Variants in DMD observed in about 807,000 individuals in gnomAD.
The protein encoded by DMD is mutant dystrophin.
DMD carries 63 observed loss-of-function variants against 330.1 expected under a neutral mutation model. The observed-to-expected ratio is 0.19, with a 90% CI of 0.16 to 0.24. The LOEUF (loss-of-function observed/expected upper bound fraction) is 0.24, where lower values mean the gene tolerates loss of function less well. Among genes scored for constraint, DMD ranks in the 10% least tolerant of loss-of-function variants. The pLI, the probability that DMD is intolerant of heterozygous loss-of-function variation, is 1.00. For synonymous variants in DMD, 1,223 were observed against 959.8 expected, an observed-to-expected ratio of 1.27 and a Z score of -5.07; for missense variants, 3,344 against 2,684.1, an observed-to-expected ratio of 1.25 and a Z score of -5.43.
At chrX:31,845,874 T>C (rs1484772953) in intron 48 of DMD, among the ~76,000 whole-genome samples, 2 of 111,319 alleles carry the variant, frequency 1.8e-5, no homozygotes, top group African/African-American at 3.3e-5. Context: ...CAGAAAGTAA[T>C]TGCAAAAAGA....
chrX:32,007,267 CAGAA>C (rs1156337165), intron 44 of DMD, among the ~76,000 whole-genome samples: 1 of 107,084 alleles, frequency 9.3e-6, no homozygotes, highest in Non-Finnish European at 1.9e-5. Context: ...AGAGTGGACA[CAGAA>C]AGACACACAA....
intron 19 of DMD, among the ~76,000 whole-genome samples, chrX:32,500,790 CATT>C (rs1221127722): frequency 1.2e-4 from 13 of 111,434 alleles, no homozygotes; most frequent in African/African-American, 3.9e-4. Context: ...TCATGGGACT[CATT>C]AGAAGAAGAA....
chrX:31,400,744 T>C (rs1016668914), intron 60 of DMD, among the ~76,000 whole-genome samples: 2 of 112,205 alleles, frequency 1.8e-5, no homozygotes, highest in Admixed American at 1.9e-4. Context: ...GTGGGATATA[T>C]AACAGTGATG....
At chrX:31,705,462 C>T (rs918145647) in intron 52 of DMD, among the ~76,000 whole-genome samples, 5 of 112,779 alleles carry the variant, frequency 4.4e-5, no homozygotes, top group Non-Finnish European at 9.4e-5. Context: ...TTCTCTCTTG[C>T]AGGAAAAAGA....
At chrX:32,563,336 C>G (rs1448276557) in intron 16 of DMD, among the ~76,000 whole-genome samples, 1 of 66,300 alleles carries the variant, frequency 1.5e-5, no homozygotes, top group Non-Finnish European at 3.0e-5. Context: ...CAGTGAGACT[C>G]CATCTCAAAA....
intron 21 of DMD, among the ~76,000 whole-genome samples, chrX:32,474,989 G>A (rs1180142574): frequency 9.0e-5 from 10 of 111,333 alleles, no homozygotes; most frequent in African/African-American, 3.3e-4. Flanking sequence ...ATAGTTTCAG[G>A]TCTTAGGTTT....
At chrX:32,916,586 A>T (rs1004662351) in intron 2 of DMD, among the ~76,000 whole-genome samples, 3 of 111,874 alleles carry the variant, frequency 2.7e-5, no homozygotes, top group Non-Finnish European at 5.6e-5. Context: ...AATATATTTG[A>T]TGGTTTTATA....
intron 60 of DMD, among the ~76,000 whole-genome samples, chrX:31,373,194 T>G (rs1163982976): frequency 9.4e-6 from 1 of 106,523 alleles, no homozygotes; most frequent in Non-Finnish European, 1.9e-5. Flanking sequence ...GGAAGAACAT[T>G]CCATGCTCAT....
intron 47 of DMD, among the ~76,000 whole-genome samples, chrX:31,894,228 G>T (rs1398235489): frequency 8.9e-6 from 1 of 112,143 alleles, no homozygotes; most frequent in African/African-American, 3.2e-5. Context: ...CAACTGCCAT[G>T]GTGTTCCAGC....
intron 34 of DMD, among the ~76,000 whole-genome samples, chrX:32,379,416 A>T (rs1398611219): frequency 9.0e-6 from 1 of 111,087 alleles, no homozygotes; most frequent in East Asian, 2.8e-4. Context: ...ACCTCAAGTA[A>T]TATGTTTGAA....
At chrX:33,158,759 C>T (rs775742127) in intron 1 of DMD, among the ~76,000 whole-genome samples, 4 of 111,468 alleles carry the variant, frequency 3.6e-5, no homozygotes, top group Middle Eastern at 4.6e-3. Context: ...ATTGCCCTAG[C>T]CCTAGTCTAG....
Position 32,335,882 on chromosome X carries a change from TTA to T in DMD, c.5922+6216_5922+6217del, listed in dbSNP as rs1201875992. 3.8e-3 allele frequency among the ~76,000 whole-genome samples: 403 copies of T among 105,285 alleles called. 7 individuals carry two copies. The highest frequency in any genetic ancestry group is 0.013 in the African/African-American group (384 of 29,033). The allele number at this position is 105,285 out of a possible 115,157, so 91.4% of individuals were successfully genotyped here. On this transcript the variant is annotated intron_variant, in intron 41 of 78. Transcript: ENST00000357033. ...TTCAACGTTATATGTGTATAACATG[TTA>T]TATATAACATGTTATACATATAACG...
chrX:33,220,516 T>C (rs1344276556), intron 1 of DMD, among the ~76,000 whole-genome samples: 2 of 112,165 alleles, frequency 1.8e-5, no homozygotes, highest in Non-Finnish European at 3.8e-5. Context: ...ATACATGTTT[T>C]CTGAGCATGC....
At chrX:33,327,711 T>C (rs764738212) in intron 1 of DMD, among the ~76,000 whole-genome samples, 51 of 111,620 alleles carry the variant, frequency 4.6e-4, no homozygotes, top group Middle Eastern at 4.6e-3. Flanking sequence ...CCCAAATCTG[T>C]ATCACTAACT....
At chrX:32,668,877 A>G (rs1234494256) in intron 9 of DMD, among the ~76,000 whole-genome samples, 3 of 111,079 alleles carry the variant, frequency 2.7e-5, no homozygotes, top group Admixed American at 1.9e-4. Context: ...TTAAATACTA[A>G]TGGGATTAAA....
chrX:31,643,505 T>C (rs781017267), intron 54 of DMD, among the ~76,000 whole-genome samples: 1 of 112,007 alleles, frequency 8.9e-6, no homozygotes, highest in African/African-American at 3.2e-5. Context: ...ATAATTATTT[T>C]AATCTGCATG....
chrX:31,697,294 A>G lies in DMD; in HGVS notation c.7661-17708T>C, dbSNP rs190708346. ...ATCTGACATACAAAAGTGAAATAAT[A>G]ATAAAGTATATGCACATAAACCCAG... On this transcript the variant is annotated intron_variant, in intron 52 of 78. Coordinates refer to ENST00000357033, the MANE Select transcript of DMD (RefSeq NM_004006.3). Among the ~76,000 whole-genome samples the G allele has an allele frequency of 2.2e-3, 251 of 112,194 alleles. 3 individuals carry two copies. The highest frequency in any genetic ancestry group is 8.1e-4 in the Non-Finnish European group (43 of 53,147).
chrX:33,328,611 T>C (rs1332358856), intron 1 of DMD, among the ~76,000 whole-genome samples: 1 of 111,549 alleles, frequency 9.0e-6, no homozygotes, highest in East Asian at 2.8e-4. Context: ...GCTATTAAAA[T>C]TACTATGTCA....
chrX:31,159,974 T>C (rs1406102460), intron 74 of DMD, among the ~76,000 whole-genome samples: 1 of 112,385 alleles, frequency 8.9e-6, no homozygotes, highest in African/African-American at 3.2e-5. Context: ...GGGAGAAATA[T>C]CTTCCCATGT....
Sources: gnomAD v4.1 joint callset for allele counts (sites outside exome capture counted in the v4.1 genomes callset) on GRCh38, gnomAD v4.1.1 for gene constraint, MANE v1.5 for transcripts, NCBI Gene and HGNC (gene_info 2026-07-23, HGNC 2026-07-21) for gene names.